PTPRS: variants seen among roughly 807,000 people sequenced by gnomAD.
PTPRS encodes receptor-type tyrosine-protein phosphatase S.
A neutral mutation model predicts 215.3 loss-of-function variants in PTPRS; 63 were observed. The ratio of observed to expected loss-of-function variants is 0.29; its 90% confidence interval spans 0.24 to 0.36. The LOEUF is 0.36. Among genes scored for constraint, PTPRS ranks in the 10% least tolerant of loss-of-function variants. The pLI, the probability that PTPRS is intolerant of heterozygous loss-of-function variation, is 1.00. For synonymous variants in PTPRS, 1,404 were observed against 1,191.4 expected (o/e 1.18, Z -3.68); for missense variants, 2,258 against 2,825.8 (o/e 0.80, Z 4.56).
At chr19:5,253,733 C>T (rs1020224496) in intron 9 of PTPRS, among the ~76,000 whole-genome samples, 3 of 152,158 alleles carry the variant, frequency 2.0e-5, no homozygotes, top group Non-Finnish European at 2.9e-5. Flanking sequence ...TCCCATATGC[C>T]ATCTTATTCA....
In PTPRS at chr19:5,237,910, T is replaced by C. The variant is rs1445872330; in HGVS notation, c.1849+1009A>G. Among the ~76,000 whole-genome samples the C allele has an allele frequency of 3.3e-5, 5 of 151,604 alleles. No individual in the cohort carries two copies. On this transcript the variant is annotated intron_variant, in intron 13 of 37. Coordinates refer to ENST00000262963, the MANE Select transcript of PTPRS (RefSeq NM_002850.4). This position sits in a 1 kb window ranked among gnomAD's most constrained non-coding sequence, Gnocchi z 4.2. ...ACCCCCCCGATCCCAGCGGCTCAGA[T>C]GCCCCGGCTGGAGTTGATGTTAACC...
In PTPRS at chr19:5,231,378, G is replaced by A. The variant is rs1240330020; in HGVS notation, c.2087C>T (p.Thr696Ile). 1 of 1,613,060 alleles carries A rather than the reference G, an allele frequency of 6.2e-7. No individual in the cohort carries two copies. Among genetic ancestry groups the A allele is most frequent in the Non-Finnish European group, 8.5e-7 (1 of 1,179,928 alleles). ...TGGTCCCACCTCTGTGTGAGCGACAGTCGTGATGCGGTACTGGGTCCACTT... is the reference window on the plus strand; with the variant it reads ...TGGTCCCACCTCTGTGTGAGCGACAATCGTGATGCGGTACTGGGTCCACTT... ...LEKWTQYRIT[T>I]VAHTEVGPGP... The change falls in exon 14 of 38, where the codon ACT becomes ATT. Residue 696 changes from threonine (T) to isoleucine (I), a missense_variant. Transcript: ENST00000262963.
At chr19:5,242,986 CTA>C (rs1599642752) in intron 11 of PTPRS, among the ~76,000 whole-genome samples, 1 of 151,906 alleles carries the variant, frequency 6.6e-6, no homozygotes, top group African/African-American at 2.4e-5. Flanking sequence ...ACACTGGGTC[CTA>C]TATATGTTTC....
At chr19:5,334,704 C>T (rs565333336) in intron 1 of PTPRS, among the ~76,000 whole-genome samples, 1 of 152,292 alleles carries the variant, frequency 6.6e-6, no homozygotes, top group South Asian at 2.1e-4. Context: ...CCCTGACAAT[C>T]GGGCAGAGCT....
chr19:5,280,547 C>T (rs895505248), intron 2 of PTPRS, among the ~76,000 whole-genome samples: 5 of 151,696 alleles, frequency 3.3e-5, no homozygotes, highest in South Asian at 4.2e-4. Context: ...GATGAAACCC[C>T]GTCTCTACTA....
intron 1 of PTPRS, among the ~76,000 whole-genome samples, chr19:5,322,598 C>T (rs921150801): frequency 7.9e-5 from 12 of 152,042 alleles, no homozygotes; most frequent in Non-Finnish European, 1.3e-4. Context: ...AGACCTCAGG[C>T]GGCCGGGCGC....
intron 9 of PTPRS, among the ~76,000 whole-genome samples, chr19:5,248,038 G>C (rs927232113): frequency 5.4e-5 from 8 of 149,414 alleles, no homozygotes; most frequent in East Asian, 2.0e-4. Flanking sequence ...CGTGAGATGG[G>C]GGGGGCGGGT....
At chr19:5,308,875 G>C (rs577724525) in intron 1 of PTPRS, among the ~76,000 whole-genome samples, 1 of 152,174 alleles carries the variant, frequency 6.6e-6, no homozygotes, top group Admixed American at 6.5e-5. Context: ...ACTAATTTTT[G>C]TATGTTCGTG....
chr19:5,334,646 C>G (rs754731149), intron 1 of PTPRS, among the ~76,000 whole-genome samples: 2 of 152,164 alleles, frequency 1.3e-5, no homozygotes, highest in African/African-American at 4.8e-5. Flanking sequence ...GTCTCTGTAG[C>G]GATTCAGGTG....
At chr19:5,249,766 G>A (rs1362088986) in intron 9 of PTPRS, among the ~76,000 whole-genome samples, 1 of 152,210 alleles carries the variant, frequency 6.6e-6, no homozygotes, top group Non-Finnish European at 1.5e-5. Flanking sequence ...GAAGCCATCA[G>A]TAAAAGGCTT....
Position 5,206,574 on chromosome 19 carries a change from GC to G in PTPRS, c.*199del. On this transcript the variant is annotated 3_prime_UTR_variant, in exon 38 of 38. Coordinates refer to ENST00000262963, the MANE Select transcript of PTPRS (RefSeq NM_002850.4). ...CAAGTATTTGAAGGCGGCGGCCGGTGCCAGGGAGGTCGCTGGGGCGGCCGGG... is the reference window on the plus strand; with the variant it reads ...CAAGTATTTGAAGGCGGCGGCCGGTGCAGGGAGGTCGCTGGGGCGGCCGGG... 1 of 540,474 alleles carries G rather than the reference GC, an allele frequency of 1.9e-6. No individual in the cohort carries two copies. Among genetic ancestry groups the G allele is most frequent in the South Asian group, 2.2e-5 (1 of 45,244 alleles). 33.5% of individuals were successfully genotyped at this position (540,474 alleles called of 1,614,324 possible). A position where few individuals can be genotyped will look rare whatever the true frequency, so the allele number is the denominator to read the frequency against.
intron 1 of PTPRS, among the ~76,000 whole-genome samples, chr19:5,330,444 C>T (rs143286159): frequency 2.9e-4 from 44 of 152,322 alleles, no homozygotes; most frequent in African/African-American, 9.4e-4. Context: ...GGGGACTTTC[C>T]GCCCGCTTGG....
intron 19 of PTPRS, 63 bp from the exon 20 acceptor site, chr19:5,221,316 T>G: frequency 6.4e-7 from 1 of 1,551,572 alleles, no homozygotes; most frequent in Non-Finnish European, 8.7e-7. Flanking sequence ...GAGCCCCAGC[T>G]CCAGGATGAG....
In PTPRS at chr19:5,221,306, G is replaced by A. The variant is rs59158254; in HGVS notation, c.3202-53C>T. The A allele has an allele frequency of 3.8e-3, 5,866 of 1,563,370 alleles. 191 individuals carry two copies. The African/African-American group carries it at 0.071, about 19-fold the overall frequency. On this transcript the variant is annotated intron_variant, in intron 19 of 37. Coordinates refer to ENST00000262963, the MANE Select transcript of PTPRS (RefSeq NM_002850.4). ...CCTGGTGGGCTCATGCCCATGGACTGAGCCCCAGCTCCAGGATGAGTCCCC... is the reference window on the plus strand; with the variant it reads ...CCTGGTGGGCTCATGCCCATGGACTAAGCCCCAGCTCCAGGATGAGTCCCC...
intron 9 of PTPRS, 135 bp from the exon 10 acceptor site, chr19:5,246,180 AAAG>A (rs751645558): frequency 1.2e-3 from 598 of 481,624 alleles, no homozygotes; most frequent in Admixed American, 2.6e-3. Flanking sequence ...AGAAAGAAAA[AAAG>A]AAAAAAAAAG....
intron 1 of PTPRS, among the ~76,000 whole-genome samples, chr19:5,330,278 A>T (rs2050282730): frequency 6.6e-6 from 1 of 152,102 alleles, no homozygotes; most frequent in Non-Finnish European, 1.5e-5. Flanking sequence ...AGGGCTTGTC[A>T]TTCCCAGTTC....
At chr19:5,299,980 C>T (rs541322105) in intron 1 of PTPRS, among the ~76,000 whole-genome samples, 52 of 152,204 alleles carry the variant, frequency 3.4e-4, no homozygotes, top group South Asian at 1.2e-3. Context: ...ATGGCTCCCA[C>T]CTGTAATCCC....
chr19:5,270,871 C>T (rs919403376), intron 4 of PTPRS, among the ~76,000 whole-genome samples: 6 of 152,222 alleles, frequency 3.9e-5, no homozygotes, highest in Non-Finnish European at 7.3e-5. Flanking sequence ...TCTCAAACTC[C>T]TGACCTCAAG....
At chr19:5,280,850 G>A (rs916526647) in intron 2 of PTPRS, among the ~76,000 whole-genome samples, 1 of 151,472 alleles carries the variant, frequency 6.6e-6, no homozygotes, top group Non-Finnish European at 1.5e-5. Flanking sequence ...GGAATGCAGT[G>A]GCGTAATCTT....
Sources: allele counts gnomAD v4.1 joint callset (sites outside exome capture counted in the v4.1 genomes callset), GRCh38; gene constraint gnomAD v4.1.1; non-coding constraint Gnocchi (gnomAD v3.1); transcripts MANE v1.5; gene names NCBI Gene and HGNC (gene_info 2026-07-23, HGNC 2026-07-21).